The following SPTA1 variants were observed in gnomAD, a reference collection of about 807,000 sequenced individuals.
SPTA1 encodes the protein spectrin alpha chain, erythrocytic 1.
Under a neutral mutation model 324.7 loss-of-function variants are expected in SPTA1, and 177 were observed. That is an observed-to-expected ratio of 0.55 (90% confidence interval 0.48 to 0.62). SPTA1 has a LOEUF of 0.62. Ranked by LOEUF, SPTA1 falls within the 20% of genes least tolerant of loss-of-function variation. The probability of loss-of-function intolerance (pLI) is 0.00; values close to 1 mark genes in which losing one functional copy is unlikely to be tolerated. For missense variants in SPTA1, 3,162 were observed against 2,883.6 expected (o/e 1.10, Z -2.21); for synonymous variants, 1,195 against 1,041.3 (o/e 1.15, Z -2.84).
intron 43 of SPTA1, among the ~76,000 whole-genome samples, chr1:158,621,179 C>T (rs1364361140): frequency 6.6e-6 from 1 of 151,984 alleles, no homozygotes; most frequent in African/African-American, 2.4e-5. Context: ...TACTGAATGA[C>T]AGAAAAAGCA....
rs764845423 is a variant in SPTA1 at position 158,634,579 on chromosome 1, G to A, written c.5529C>T (p.Val1843=). 3 of 1,613,906 alleles carry A rather than the reference G, an allele frequency of 1.9e-6. No individual in the cohort carries two copies. Among genetic ancestry groups the A allele is most frequent in the Admixed American group, 1.7e-5 (1 of 59,984 alleles). The change falls in exon 39 of 52, where the codon GTC becomes GTT. Residue 1843 remains valine, a synonymous_variant. Coordinates refer to ENST00000643759, the MANE Select transcript of SPTA1 (RefSeq NM_003126.4). ...CTAATGTATCTCCACAATCTCCTCGGACAGCCAAAGCATTCTTTTCATTGA... is the reference window on the plus strand; with the variant it reads ...CTAATGTATCTCCACAATCTCCTCGAACAGCCAAAGCATTCTTTTCATTGA... ...AWINEKNALA[V]RGDCGDTLAA... is the part of the protein sequence containing the mutation.
Position 158,610,894 on chromosome 1 carries a change from T to C in SPTA1, c.*370A>G, listed in dbSNP as rs746759449. ...AAATATAGAAGCTCAACATTTTACTTAACTTTGCCCCAAAAAATATTTTTA... is the reference window on the plus strand; with the variant it reads ...AAATATAGAAGCTCAACATTTTACTCAACTTTGCCCCAAAAAATATTTTTA... On this transcript the variant is annotated 3_prime_UTR_variant, in exon 52 of 52. Coordinates refer to ENST00000643759, the MANE Select transcript of SPTA1 (RefSeq NM_003126.4). 2 of 208,644 alleles carry C rather than the reference T, an allele frequency of 9.6e-6. No homozygotes were observed. The highest frequency in any genetic ancestry group is 9.8e-6 in the Non-Finnish European group (1 of 101,794). 12.9% of individuals were successfully genotyped at this position (208,644 alleles called of 1,614,324 possible).
At position 158,662,733 on chromosome 1, in the gene SPTA1, C is replaced by T; in HGVS notation, c.2433G>A (p.Glu811=). Residue 811 remains glutamate, a synonymous_variant, in exon 17 of 52, where the codon GAG becomes GAA. Transcript: ENST00000643759. The part of the protein sequence containing the change: ...DTEDEEAWIQ[E]TEPSATSTYL... ...AGGTGGAAGTAGCTGAGGGTTCAGT[C>T]TCTTGGATCCAGGCCTCCTCATCCT... 1 of 1,613,966 alleles carries T rather than the reference C, an allele frequency of 6.2e-7. No homozygotes were observed.
At chr1:158,638,561 T>C (rs1326676511) in intron 35 of SPTA1, among the ~76,000 whole-genome samples, 1 of 152,006 alleles carries the variant, frequency 6.6e-6, no homozygotes, top group Non-Finnish European at 1.5e-5. Context: ...CTCATGCCTG[T>C]AATCCCAGCA....
rs1377107141 is a variant in SPTA1 at position 158,653,398 on chromosome 1, G to A, written c.3064C>T (p.His1022Tyr). The A allele has an allele frequency of 2.5e-6, 4 of 1,614,066 alleles. No homozygotes were observed. In the East Asian group the frequency reaches 8.9e-5, roughly 36 times the overall value. Residue 1022 changes from histidine to tyrosine, a missense_variant, in exon 22 of 52, where the codon CAT (histidine) becomes TAT (tyrosine). Coordinates refer to ENST00000643759, the MANE Select transcript of SPTA1 (RefSeq NM_003126.4). ...KDWWKVEAAD[H>Y]QGIVPAVYVR... ...TAGACAGCTGGGACAATGCCCTGAT[G>A]ATCAGCAGCTTCCACCTTCCACCAG...
intron 13 of SPTA1, 21 bp downstream of exon 13, chr1:158,669,688 G>C (rs767578558): frequency 3.7e-6 from 6 of 1,614,060 alleles, no homozygotes; most frequent in Non-Finnish European, 5.1e-6. Context: ...GCACACAGAA[G>C]CTCTAGGCCC....
intron 36 of SPTA1, among the ~76,000 whole-genome samples, chr1:158,637,804 G>T (rs1265443744): frequency 6.6e-6 from 1 of 152,218 alleles, no homozygotes; most frequent in Non-Finnish European, 1.5e-5. Context: ...TTCCTGTCAT[G>T]TATGTTAACT....
rs1190784842 is a variant in SPTA1, at chr1:158,613,874, G to T, written c.6843-7C>A. ...CAAATTCTCATCAAAGTGTCTAAAG[G>T]ATAAAAAAAGAAAAAAAAATTTATC... is the stretch of plus-strand genomic sequence containing the variant. On this transcript the variant is annotated splice_polypyrimidine_tract_variant and splice_region_variant and intron_variant, in intron 49 of 51. Coordinates refer to ENST00000643759, the MANE Select transcript of SPTA1 (RefSeq NM_003126.4). 1 of 1,611,640 alleles carries T rather than the reference G, an allele frequency of 6.2e-7. No homozygotes were observed. The highest frequency in any genetic ancestry group is 1.1e-5 in the South Asian group (1 of 90,892).
rs182482357 is a variant in SPTA1, at chr1:158,678,705, C to T, written c.679-171G>A. On this transcript the variant is annotated intron_variant, in intron 5 of 51. Coordinates refer to ENST00000643759, the MANE Select transcript of SPTA1 (RefSeq NM_003126.4). The stretch of plus-strand genomic sequence containing the variant: ...CCTCCTCCCTAGCTCCAACTTGATG[C>T]ACACTACCAAAACCTAGAAAAACAA... Among the ~76,000 whole-genome samples, 435 of 152,244 alleles carry T rather than the reference C, an allele frequency of 2.9e-3. 1 individual carries two copies. Among genetic ancestry groups the T allele is most frequent in the Non-Finnish European group, 2.7e-3 (184 of 68,020 alleles).
chr1:158,672,230 T>C, intron 10 of SPTA1, 34 bp from the exon 11 acceptor site: 1 of 1,574,638 alleles, frequency 6.4e-7, no homozygotes. Context: ...ATATGGAAGA[T>C]AATTAATTTA....
intron 37 of SPTA1, 129 bp downstream of exon 37, chr1:158,636,512 T>C (rs1651083077): frequency 1.9e-6 from 2 of 1,077,074 alleles, no homozygotes; most frequent in African/African-American, 3.1e-5. Flanking sequence ...ATTTGTAAAC[T>C]CTTTGACTAA....
At position 158,619,282 on chromosome 1, in the gene SPTA1, T is replaced by G; in HGVS notation, c.6470A>C (p.Glu2157Ala). ...ATTCTGTTCAAACTCCTGACACATC[T>G]CAAAGTTCTTGACCTGTCTTGCCTC... ...KEEARQVKNF[E>A]MCQEFEQNAS... The change falls in exon 45 of 52, where the codon GAG becomes GCG. Residue 2157 changes from glutamate (E) to alanine (A), a missense_variant. Physicochemically the swap from Glu to Ala is moderately radical, Grantham distance 107. Coordinates refer to ENST00000643759, the MANE Select transcript of SPTA1 (RefSeq NM_003126.4). 1 of 1,614,146 alleles carries G rather than the reference T, an allele frequency of 6.2e-7. No individual in the cohort carries two copies. The highest frequency in any genetic ancestry group is 8.5e-7 in the Non-Finnish European group (1 of 1,179,994).
chr1:158,685,474 A>G, intron 1 of SPTA1, 127 bp from the exon 2 acceptor site: 1 of 1,330,808 alleles, frequency 7.5e-7, no homozygotes, highest in East Asian at 2.3e-5. Flanking sequence ...TCTAGGGACT[A>G]TTGTCAGAAG....
chr1:158,625,439 C>T (rs1242237460), intron 42 of SPTA1, among the ~76,000 whole-genome samples: 1 of 151,732 alleles, frequency 6.6e-6, no homozygotes, highest in African/African-American at 2.4e-5. Context: ...TAATATAAAC[C>T]ACTGCAAAAT....
chr1:158,677,468 T>C (rs895540533), intron 7 of SPTA1, among the ~76,000 whole-genome samples: 1 of 152,298 alleles, frequency 6.6e-6, no homozygotes, highest in East Asian at 1.9e-4. Flanking sequence ...AAAACATATG[T>C]GTATATTTAA....
chr1:158,618,488 C>T (rs1052166340), intron 45 of SPTA1, among the ~76,000 whole-genome samples: 1 of 152,132 alleles, frequency 6.6e-6, no homozygotes. Context: ...CCACATTAAC[C>T]CTCAAAACAC....
At chr1:158,640,934 C>G (rs529721345) in intron 33 of SPTA1, among the ~76,000 whole-genome samples, 1 of 152,298 alleles carries the variant, frequency 6.6e-6, no homozygotes, top group Non-Finnish European at 1.5e-5. Context: ...GTAACCAAAA[C>G]AGCATGGTAC....
intron 3 of SPTA1, 95 bp from the exon 4 acceptor site, chr1:158,681,762 T>C (rs565457619): frequency 1.3e-6 from 2 of 1,515,026 alleles, no homozygotes; most frequent in South Asian, 2.3e-5. Flanking sequence ...ATAAAAATTC[T>C]TCTCTCAGTT....
rs1278445695 is a variant in SPTA1, at chr1:158,657,451, CAATGTTA to C, written c.2805+19_2805+25del. On this transcript the variant is annotated intron_variant, in intron 19 of 51. Transcript: ENST00000643759. ...TTTGGTTGCGTTTGTTGAGGATTCA[CAATGTTA>C]AACCCACCCCCACCTTACCCCAGCT... 3.1e-6 allele frequency: 5 copies of C among 1,596,260 alleles called. No individual in the cohort carries two copies. Among genetic ancestry groups the C allele is most frequent in the Admixed American group, 1.7e-5 (1 of 59,960 alleles).
Sources: gnomAD v4.1 joint callset for allele counts (sites outside exome capture counted in the v4.1 genomes callset) on GRCh38, gnomAD v4.1.1 for gene constraint, MANE v1.5 for transcripts, NCBI Gene and HGNC (gene_info 2026-07-23, HGNC 2026-07-21) for gene names.